The following NLGN4X variants were observed in gnomAD, a reference collection of about 807,000 sequenced individuals.
The protein encoded by NLGN4X is neuroligin-4, X-linked.
In NLGN4X, 3 loss-of-function variants were observed where a neutral mutation model predicts 40.3. The ratio of observed to expected loss-of-function variants is 0.07; its 90% CI spans 0.03 to 0.19. The LOEUF (loss-of-function observed/expected upper bound fraction) is 0.19, where lower values mean the gene tolerates loss of function less well. NLGN4X is among the 10% of genes least tolerant of loss of function. The pLI is 1.00. For synonymous variants in NLGN4X, 270 were observed against 306.8 expected, an observed-to-expected ratio of 0.88 and a Z score of 1.25; for missense variants, 382 against 708.3, an observed-to-expected ratio of 0.54 and a Z score of 5.23.
chrX:5,988,072 C>T (rs762066426), intron 3 of NLGN4X, among the ~76,000 whole-genome samples: 2 of 111,968 alleles, frequency 1.8e-5, no homozygotes, highest in East Asian at 5.7e-4. Flanking sequence ...TACACCCTGT[C>T]TGCTTTTTTA....
chrX:5,898,035 C>G (rs867481760), intron 5 of NLGN4X, among the ~76,000 whole-genome samples: 1 of 88,320 alleles, frequency 1.1e-5, no homozygotes, highest in African/African-American at 4.3e-5. Flanking sequence ...CCTTCTTTCT[C>G]TCTCCCTCCA....
chrX:6,058,185 T>C (rs1194221551), intron 2 of NLGN4X, among the ~76,000 whole-genome samples: 2 of 111,120 alleles, frequency 1.8e-5, no homozygotes, highest in East Asian at 2.8e-4. Flanking sequence ...CACATGTTCA[T>C]ACACACATAT....
intron 3 of NLGN4X, among the ~76,000 whole-genome samples, chrX:5,927,249 A>G (rs1219426658): frequency 1.8e-5 from 2 of 111,765 alleles, no homozygotes; most frequent in East Asian, 5.6e-4. Context: ...TCACACAAAA[A>G]AGGTGTTTTA....
intron 3 of NLGN4X, among the ~76,000 whole-genome samples, chrX:6,007,993 G>T (rs183968478): frequency 1.1e-4 from 12 of 111,646 alleles, no homozygotes; most frequent in African/African-American, 3.9e-4. Context: ...TTTGATTGTT[G>T]TTTAGTTTGT....
chrX:6,214,167 G>T (rs927194883), intron 1 of NLGN4X, among the ~76,000 whole-genome samples: 1 of 111,982 alleles, frequency 8.9e-6, no homozygotes, highest in Non-Finnish European at 1.9e-5. Context: ...ATGAATGTCA[G>T]GAGTGGAGTG....
At chrX:5,969,443 C>T (rs1352535834) in intron 3 of NLGN4X, among the ~76,000 whole-genome samples, 15 of 111,477 alleles carry the variant, frequency 1.3e-4, no homozygotes, top group Admixed American at 9.5e-4. Context: ...TCACTGGCCA[C>T]CAGAGAAATG....
intron 3 of NLGN4X, among the ~76,000 whole-genome samples, chrX:5,973,391 A>G (rs2035082909): frequency 8.9e-6 from 1 of 112,922 alleles, no homozygotes; most frequent in African/African-American, 3.2e-5. Flanking sequence ...GAGACAGACA[A>G]AAATGACATG....
chrX:5,932,010 C>T (rs1442980677), intron 3 of NLGN4X, among the ~76,000 whole-genome samples: 1 of 111,365 alleles, frequency 9.0e-6, no homozygotes, highest in Non-Finnish European at 1.9e-5. Context: ...ACTTAGAACT[C>T]GAGGGCAGCC....
intron 1 of NLGN4X, among the ~76,000 whole-genome samples, chrX:6,180,380 A>G (rs1431559369): frequency 1.8e-5 from 2 of 110,171 alleles, no homozygotes; most frequent in Non-Finnish European, 3.8e-5. Context: ...TGGTTGTTTA[A>G]AAGTGTGCAG....
chrX:6,089,848 G>A (rs1432626694), intron 2 of NLGN4X, among the ~76,000 whole-genome samples: 1 of 112,031 alleles, frequency 8.9e-6, no homozygotes. Context: ...TCTTAGATAT[G>A]GCCTGGGACA....
At chrX:5,897,702 A>G (rs887575994) in intron 5 of NLGN4X, among the ~76,000 whole-genome samples, 1 of 112,047 alleles carries the variant, frequency 8.9e-6, no homozygotes, top group Non-Finnish European at 1.9e-5. Flanking sequence ...AATGATTTCA[A>G]CATCCTTTCT....
chrX:6,177,872 A>G (rs1304688267), intron 1 of NLGN4X, among the ~76,000 whole-genome samples: 4 of 109,965 alleles, frequency 3.6e-5, no homozygotes, highest in Non-Finnish European at 7.6e-5. Context: ...GGAGGTGATG[A>G]GGTCATGAGG....
chrX:6,164,721 ACAC>A (rs754934121), intron 1 of NLGN4X, among the ~76,000 whole-genome samples: 5 of 111,619 alleles, frequency 4.5e-5, no homozygotes, highest in Non-Finnish European at 9.4e-5. Context: ...GTTTCCCAAG[ACAC>A]CACCTGTGAC....
At chrX:6,133,297 T>G (rs993873753) in intron 2 of NLGN4X, among the ~76,000 whole-genome samples, 18 of 111,462 alleles carry the variant, frequency 1.6e-4, no homozygotes, top group Non-Finnish European at 3.0e-4. Flanking sequence ...GATTGTGTTC[T>G]TTGGCCACTG....
intron 3 of NLGN4X, among the ~76,000 whole-genome samples, chrX:5,946,295 C>T (rs1482923932): frequency 1.8e-5 from 2 of 111,795 alleles, no homozygotes; most frequent in East Asian, 5.6e-4. Flanking sequence ...AACGTCCATA[C>T]TTGAGGACGG....
chrX:6,091,621 T>C lies in NLGN4X; in HGVS notation c.472+59374A>G, dbSNP rs1422265056. Among the ~76,000 whole-genome samples the C allele has an allele frequency of 2.7e-5, 3 of 112,039 alleles. 1 individual carries two copies. The Admixed American group carries it at 2.8e-4, about 11-fold the overall frequency. ...AAAAAAGCCATTACCATTTTAATTA[T>C]ATTTTTCTTCTCAGCCTCCTATTCT... On this transcript the variant is annotated intron_variant, in intron 2 of 5. Coordinates refer to ENST00000381095, the MANE Select transcript of NLGN4X (RefSeq NM_181332.3).
At chrX:5,950,266 T>C (rs1369537957) in intron 3 of NLGN4X, among the ~76,000 whole-genome samples, 8 of 112,302 alleles carry the variant, frequency 7.1e-5, no homozygotes, top group African/African-American at 2.6e-4. Flanking sequence ...AGATGTGTTG[T>C]AAGTGTAAAA....
intron 2 of NLGN4X, among the ~76,000 whole-genome samples, chrX:6,074,561 G>A (rs2038147729): frequency 8.9e-6 from 1 of 112,026 alleles, no homozygotes; most frequent in African/African-American, 3.2e-5. Context: ...TCTTGCAGCA[G>A]GTTGAAGGTT....
chrX:6,161,569 T>G (rs181687000), intron 1 of NLGN4X, among the ~76,000 whole-genome samples: 1 of 106,157 alleles, frequency 9.4e-6, no homozygotes, highest in Admixed American at 1.1e-4. Flanking sequence ...AGAAATACTT[T>G]ATATATATAA....
Sources: allele counts gnomAD v4.1 joint callset (sites outside exome capture counted in the v4.1 genomes callset), GRCh38; gene constraint gnomAD v4.1.1; transcripts MANE v1.5; gene names NCBI Gene and HGNC (gene_info 2026-07-23, HGNC 2026-07-21).